Variants in SDK1 observed in about 807,000 individuals in gnomAD.
SDK1 encodes the protein sidekick cell adhesion molecule 1.
In SDK1, 157 loss-of-function variants were observed where a neutral mutation model predicts 245.5. The observed-to-expected ratio is 0.64, with a 90% CI of 0.56 to 0.73. The LOEUF (loss-of-function observed/expected upper bound fraction) is 0.73, where lower values mean the gene tolerates loss of function less well. Among genes scored for constraint, SDK1 ranks in the 30% least tolerant of loss-of-function variants. The pLI, the probability that SDK1 is intolerant of heterozygous loss-of-function variation, is 0.00. For synonymous variants in SDK1, 1,647 were observed against 1,278.5 expected (o/e 1.29, Z -6.15); for missense variants, 3,583 against 3,002.3 (o/e 1.19, Z -4.52).
intron 30 of SDK1, among the ~76,000 whole-genome samples, 194 bp from the exon 31 acceptor site, chr7:4,158,254 T>G (rs1363979537): frequency 6.6e-6 from 1 of 152,170 alleles, no homozygotes; most frequent in Non-Finnish European, 1.5e-5. Context: ...AAGCCCCTGC[T>G]CATTGCACCT....
chr7:3,581,440 C>A (rs912948383), intron 1 of SDK1, among the ~76,000 whole-genome samples: 2 of 152,176 alleles, frequency 1.3e-5, no homozygotes, highest in Non-Finnish European at 2.9e-5. Context: ...ATCAAAACTA[C>A]AATGAGATGC....
chr7:4,246,475 C>G (rs1422547254), intron 44 of SDK1, among the ~76,000 whole-genome samples: 1 of 152,066 alleles, frequency 6.6e-6, no homozygotes, highest in Non-Finnish European at 1.5e-5. Context: ...TCTGTAGACC[C>G]CAGTTAGGGT....
chr7:3,312,733 C>G (rs955553186), intron 1 of SDK1, among the ~76,000 whole-genome samples: 6 of 152,066 alleles, frequency 3.9e-5, no homozygotes, highest in Admixed American at 1.3e-4. Flanking sequence ...TGAGTGGTTA[C>G]AATTCATGAA....
intron 5 of SDK1, among the ~76,000 whole-genome samples, chr7:3,845,491 A>G (rs1171062036): frequency 6.8e-6 from 1 of 146,252 alleles, no homozygotes; most frequent in Non-Finnish European, 1.5e-5. Context: ...TCCGTCTCAA[A>G]AAAAAAAAAA....
intron 1 of SDK1, among the ~76,000 whole-genome samples, chr7:3,465,362 AT>A (rs370199518): frequency 8.4e-4 from 128 of 152,342 alleles, no homozygotes; most frequent in African/African-American, 3.0e-3. Context: ...TAAACCAAAA[AT>A]AAAAATGAGA....
At chr7:3,825,300 A>C (rs368396036) in intron 5 of SDK1, among the ~76,000 whole-genome samples, 2 of 150,396 alleles carry the variant, frequency 1.3e-5, no homozygotes, top group African/African-American at 4.9e-5. Context: ...TTACTATGTG[A>C]ATAAGAGTTT....
intron 1 of SDK1, among the ~76,000 whole-genome samples, chr7:3,538,955 G>C (rs953385620): frequency 6.6e-6 from 1 of 152,194 alleles, no homozygotes; most frequent in African/African-American, 2.4e-5. Context: ...TCCTTTTCTT[G>C]TTCCTGTCCC....
At chr7:3,593,821 T>G (rs1286059024) in intron 1 of SDK1, among the ~76,000 whole-genome samples, 1 of 151,988 alleles carries the variant, frequency 6.6e-6, no homozygotes, top group Admixed American at 6.6e-5. Context: ...GCTTTGCCAC[T>G]TCGCAGCTCT....
At chr7:4,092,011 C>T (rs768330506) in intron 22 of SDK1, among the ~76,000 whole-genome samples, 2 of 152,130 alleles carry the variant, frequency 1.3e-5, no homozygotes, top group Non-Finnish European at 1.5e-5. Flanking sequence ...ACAAAACCGT[C>T]GGGCGTGTAG....
intron 38 of SDK1, among the ~76,000 whole-genome samples, chr7:4,214,376 C>T (rs1030142433): frequency 6.6e-6 from 1 of 152,214 alleles, no homozygotes; most frequent in Non-Finnish European, 1.5e-5. Flanking sequence ...TCACTTTAGT[C>T]ACAACCGTTT....
chr7:3,421,905 C>T (rs1179071703), intron 1 of SDK1, among the ~76,000 whole-genome samples: 1 of 152,134 alleles, frequency 6.6e-6, no homozygotes, highest in Non-Finnish European at 1.5e-5. Context: ...TGCAGTGGCT[C>T]CTATCTGTAA....
At chr7:3,835,632 A>G (rs539141388) in intron 5 of SDK1, among the ~76,000 whole-genome samples, 84 of 152,332 alleles carry the variant, frequency 5.5e-4, no homozygotes, top group African/African-American at 2.0e-3. Context: ...CTGGAAGAAT[A>G]TTCATCTCTC....
At position 3,301,582 on chromosome 7, in the gene SDK1, T is replaced by A; in HGVS notation, c.-5T>A. 1.0e-6 allele frequency: 1 copy of A among 960,246 alleles called. No individual in the cohort carries two copies. The highest frequency in any genetic ancestry group is 1.2e-6 in the Non-Finnish European group (1 of 812,554). The allele number at this position is 960,246 out of a possible 1,614,324, so 59.5% of individuals were successfully genotyped here. A position where few individuals can be genotyped will look rare whatever the true frequency, so the allele number is the denominator to read the frequency against. ...GCGCGGCGCTCGGGGTGGCGGCTGC[T>A]CGGCATGGCCCGGGGCGCCCGGCCC... is the stretch of plus-strand genomic sequence containing the variant. On this transcript the variant is annotated 5_prime_UTR_variant, in exon 1 of 45. Coordinates refer to ENST00000404826, the MANE Select transcript of SDK1 (RefSeq NM_152744.4).
intron 31 of SDK1, among the ~76,000 whole-genome samples, chr7:4,160,545 T>C (rs1030240292): frequency 1.3e-5 from 2 of 152,202 alleles, no homozygotes; most frequent in Non-Finnish European, 2.9e-5. Context: ...TATCTAGAGA[T>C]TGACAGGCAC....
chr7:3,779,897 A>G (rs2115010376), intron 4 of SDK1, among the ~76,000 whole-genome samples: 1 of 147,990 alleles, frequency 6.8e-6, no homozygotes, highest in Non-Finnish European at 1.5e-5. Context: ...GCACCACTGC[A>G]GTCCGCAGTC....
At chr7:3,543,756 GATGTTCGT>G (rs1222998206) in intron 1 of SDK1, among the ~76,000 whole-genome samples, 4 of 152,188 alleles carry the variant, frequency 2.6e-5, no homozygotes, top group Non-Finnish European at 4.4e-5. Context: ...AAATTCTATT[GATGTTCGT>G]ATGTTGTGAA....
chr7:4,116,721 CTT>C (rs1783735562), intron 25 of SDK1, among the ~76,000 whole-genome samples: 3 of 152,222 alleles, frequency 2.0e-5, no homozygotes, highest in African/African-American at 7.2e-5. Flanking sequence ...CAGGAGGACT[CTT>C]AAGCAGTAGC....
intron 20 of SDK1, among the ~76,000 whole-genome samples, chr7:4,076,559 G>GATACATAC (rs3066359): frequency 1.3e-5 from 2 of 151,704 alleles, no homozygotes; most frequent in African/African-American, 4.9e-5. Context: ...TAAATAGATA[G>GATACATAC]ATACATACAT....
chr7:4,087,479 G>GCGCACACACACA (rs1554336240), intron 22 of SDK1, among the ~76,000 whole-genome samples: 75 of 150,360 alleles, frequency 5.0e-4, no homozygotes, highest in African/African-American at 1.4e-3. Context: ...ACACACGCGC[G>GCGCACACACACA]CACACACACA....
Sources: gnomAD v4.1 joint callset for allele counts (sites outside exome capture counted in the v4.1 genomes callset) on GRCh38, gnomAD v4.1.1 for gene constraint, MANE v1.5 for transcripts, NCBI Gene and HGNC (gene_info 2026-07-23, HGNC 2026-07-21) for gene names.